Variants in MARCHF3 observed in about 807,000 individuals in gnomAD.
MARCHF3 encodes membrane associated ring-CH-type finger 3, also known as E3 ubiquitin-protein ligase MARCHF3.
In MARCHF3, 13 loss-of-function variants were observed where a neutral mutation model predicts 24.2. That is an observed-to-expected ratio of 0.54 (90% confidence interval 0.35 to 0.85). The LOEUF (loss-of-function observed/expected upper bound fraction) is 0.85, where lower values mean the gene tolerates loss of function less well. Among genes scored for constraint, MARCHF3 ranks in the 40% least tolerant of loss-of-function variants. The pLI, the probability that MARCHF3 is intolerant of heterozygous loss-of-function variation, is 0.01. For synonymous variants in MARCHF3, 144 were observed against 137.3 expected, an observed-to-expected ratio of 1.05 and a Z score of -0.34; for missense variants, 276 against 325.0, an observed-to-expected ratio of 0.85 and a Z score of 1.16.
rs566238195 is a variant in MARCHF3, at chr5:126,894,695, C to A, written c.394-16301G>T. On this transcript the variant is annotated intron_variant, in intron 3 of 4. Transcript: ENST00000308660. The stretch of plus-strand genomic sequence containing the variant: ...TGGGCTTCCCTTTGAGGGTAACCCG[C>A]CCTTTCTCTCTGGCTGCCCTTAAGA... Among the ~76,000 whole-genome samples the A allele has an allele frequency of 1.7e-4, 25 of 150,888 alleles. 1 individual carries two copies. The highest frequency in any genetic ancestry group is 6.3e-4 in the South Asian group (3 of 4,760).
intron 1 of MARCHF3, among the ~76,000 whole-genome samples, chr5:126,938,156 G>C (rs1402578970): frequency 5.4e-5 from 8 of 147,244 alleles, no homozygotes; most frequent in African/African-American, 2.0e-4. Flanking sequence ...CAGCTCTGTT[G>C]ATCTGATTCT....
intron 1 of MARCHF3, among the ~76,000 whole-genome samples, chr5:126,980,486 T>G (rs551150382): frequency 6.6e-6 from 1 of 152,026 alleles, no homozygotes; most frequent in Admixed American, 6.5e-5. Flanking sequence ...TTCCCCTGCC[T>G]CAGCCTCCTG....
chr5:126,916,824 C>T (rs995538101), intron 2 of MARCHF3, among the ~76,000 whole-genome samples: 1 of 152,080 alleles, frequency 6.6e-6, no homozygotes, highest in Non-Finnish European at 1.5e-5. Flanking sequence ...TGGGGCACAT[C>T]AGTCACCCAG....
rs1043190131 is a variant in MARCHF3, at chr5:127,005,291, A to G, written c.-57+25059T>C. Among the ~76,000 whole-genome samples, 3 of 152,086 alleles carry G rather than the reference A, an allele frequency of 2.0e-5. No individual in the cohort carries two copies. The East Asian group carries it at 5.8e-4, about 29-fold the overall frequency. ...GGTGGGATTACAGGCACCCACCACCACGCCTAGCTAATTTTTATATTTTTA... is the reference window on the plus strand; with the variant it reads ...GGTGGGATTACAGGCACCCACCACCGCGCCTAGCTAATTTTTATATTTTTA... On this transcript the variant is annotated intron_variant, in intron 1 of 4. Coordinates refer to ENST00000308660, the MANE Select transcript of MARCHF3 (RefSeq NM_178450.5).
Position 126,954,855 on chromosome 5 carries a change from T to C in MARCHF3, c.-56-36628A>G, listed in dbSNP as rs562791057. Among the ~76,000 whole-genome samples, 5 of 152,198 alleles carry C rather than the reference T, an allele frequency of 3.3e-5. No homozygotes were observed. In the South Asian group the frequency reaches 1.0e-3, roughly 32 times the overall value. On this transcript the variant is annotated intron_variant, in intron 1 of 4. Coordinates refer to ENST00000308660, the MANE Select transcript of MARCHF3 (RefSeq NM_178450.5). ...GTTTCCCAATGCCTACCCTCCTTCT[T>C]CTCCTTTCCTCTTTCTCTTTCCTAG... is the stretch of plus-strand genomic sequence containing the variant.
intron 3 of MARCHF3, among the ~76,000 whole-genome samples, chr5:126,903,715 G>A (rs1056121650): frequency 2.0e-5 from 3 of 151,930 alleles, no homozygotes; most frequent in African/African-American, 7.3e-5. Context: ...TAAATAGCAA[G>A]TGCCAAGGTA....
chr5:126,989,030 A>G (rs1751655991), intron 1 of MARCHF3, among the ~76,000 whole-genome samples: 1 of 152,186 alleles, frequency 6.6e-6, no homozygotes, highest in Non-Finnish European at 1.5e-5. Flanking sequence ...AAAAATGTCT[A>G]CAATAGGACT....
At chr5:127,027,360 T>A (rs1753031991) in intron 1 of MARCHF3, among the ~76,000 whole-genome samples, 1 of 152,146 alleles carries the variant, frequency 6.6e-6, no homozygotes, top group African/African-American at 2.4e-5. Context: ...ATTGACCTCA[T>A]ATAGTCTGTA....
rs749993038 is a variant in MARCHF3, at chr5:126,870,670, T to C, written c.725A>G (p.His242Arg). 4 of 1,614,008 alleles carry C rather than the reference T, an allele frequency of 2.5e-6. No individual in the cohort carries two copies. The African/African-American group carries it at 5.3e-5, about 22-fold the overall frequency. The change falls in exon 5 of 5, where the codon CAT becomes CGT. Residue 242 changes from histidine (H) to arginine (R), a missense_variant. His to Arg is a conservative substitution (Grantham distance 29). Coordinates refer to ENST00000308660, the MANE Select transcript of MARCHF3 (RefSeq NM_178450.5). ...PSNQPSLLGL[H>R]SVKRNSKETV... Reference sequence around the variant, plus strand: ...CTCCTTTGAGTTCCTCTTGACCGAATGGAGGCCCAGCAAGGACGGCTGGTT... The same window carrying C: ...CTCCTTTGAGTTCCTCTTGACCGAACGGAGGCCCAGCAAGGACGGCTGGTT...
rs1032480589 is a variant in MARCHF3, at chr5:126,958,224, C to G, written c.-56-39997G>C. Reference sequence around the variant, plus strand: ...CTGTTTCTTAGATGGGCAGTAGCTTCCAGAATAATACTGAATGATCATGAT... The same window carrying G: ...CTGTTTCTTAGATGGGCAGTAGCTTGCAGAATAATACTGAATGATCATGAT... On this transcript the variant is annotated intron_variant, in intron 1 of 4. Transcript: ENST00000308660. Among the ~76,000 whole-genome samples the G allele has an allele frequency of 2.0e-5, 3 of 152,064 alleles. No homozygotes were observed. The East Asian group carries it at 5.8e-4, about 29-fold the overall frequency.
At chr5:126,917,845 TC>T (rs2126794531) in intron 2 of MARCHF3, 138 bp downstream of exon 2, 2 of 802,754 alleles carry the variant, frequency 2.5e-6, no homozygotes, top group East Asian at 2.8e-5. Flanking sequence ...ACTCGTGTAG[TC>T]TTTTTTTTTT....
chr5:127,025,043 T>C (rs968680973), intron 1 of MARCHF3, among the ~76,000 whole-genome samples: 1 of 152,166 alleles, frequency 6.6e-6, no homozygotes, highest in African/African-American at 2.4e-5. Context: ...AGATCAATGG[T>C]GGTCCAATGA....
chr5:126,966,839 A>G (rs1750827199), intron 1 of MARCHF3, among the ~76,000 whole-genome samples: 1 of 138,150 alleles, frequency 7.2e-6, no homozygotes, highest in African/African-American at 2.7e-5. Flanking sequence ...TGGCCTTAGA[A>G]TACTGAGCTC....
intron 1 of MARCHF3, among the ~76,000 whole-genome samples, chr5:126,958,167 A>G (rs1365396916): frequency 6.6e-6 from 1 of 152,170 alleles, no homozygotes; most frequent in Non-Finnish European, 1.5e-5. Context: ...CATACAAATC[A>G]TGGCTATCTT....
intron 1 of MARCHF3, among the ~76,000 whole-genome samples, chr5:127,002,036 T>C (rs1752146455): frequency 6.6e-6 from 1 of 152,270 alleles, no homozygotes; most frequent in South Asian, 2.1e-4. Flanking sequence ...TTCTGGAGGA[T>C]ATGGAATGAG....
chr5:126,990,521 G>T (rs1358353750), intron 1 of MARCHF3, among the ~76,000 whole-genome samples: 2 of 152,092 alleles, frequency 1.3e-5, no homozygotes, highest in African/African-American at 4.8e-5. Context: ...CAAAAGCAAT[G>T]GCAACAAAAG....
At position 126,870,661 on chromosome 5, in the gene MARCHF3, T is replaced by C. The variant is rs1752934761; in HGVS notation, c.734A>G (p.Lys245Arg). 1 of 1,614,184 alleles carries C rather than the reference T, an allele frequency of 6.2e-7. No homozygotes were observed. The change falls in exon 5 of 5, where the codon AAG becomes AGG. Residue 245 changes from lysine to arginine, a missense_variant. Physicochemically the swap from Lys to Arg is conservative, Grantham distance 26 (BLOSUM62 2). Transcript: ENST00000308660. ...QPSLLGLHSV[K>R]RNSKETVV is the part of the protein sequence containing the mutation. ...AACAACTGTCTCCTTTGAGTTCCTC[T>C]TGACCGAATGGAGGCCCAGCAAGGA... is the stretch of plus-strand genomic sequence containing the variant.
intron 1 of MARCHF3, among the ~76,000 whole-genome samples, chr5:127,009,073 G>C (rs1162735677): frequency 6.6e-6 from 1 of 152,004 alleles, no homozygotes; most frequent in East Asian, 1.9e-4. Flanking sequence ...AGGAAGACAG[G>C]ACCAAAAGAT....
intron 1 of MARCHF3, among the ~76,000 whole-genome samples, chr5:126,954,086 G>A (rs1167919157): frequency 6.6e-6 from 1 of 150,782 alleles, no homozygotes; most frequent in East Asian, 1.9e-4. Flanking sequence ...TCACCCTGTC[G>A]CCCAGGCGCA....
Sources: gnomAD v4.1 joint callset for allele counts (sites outside exome capture counted in the v4.1 genomes callset) on GRCh38, gnomAD v4.1.1 for gene constraint, MANE v1.5 for transcripts, NCBI Gene and HGNC (gene_info 2026-07-23, HGNC 2026-07-21) for gene names.